Variants in DPP6 observed in about 807,000 individuals in gnomAD.
DPP6 encodes the protein A-type potassium channel modulatory protein DPP6.
DPP6 carries 69 observed loss-of-function variants against 122.6 expected under a neutral mutation model. The ratio of observed to expected loss-of-function variants is 0.56; its 90% CI spans 0.46 to 0.69. The LOEUF is 0.69. DPP6 is among the 30% of genes least tolerant of loss of function. The pLI, the probability that DPP6 is intolerant of heterozygous loss-of-function variation, is 0.00. For synonymous variants in DPP6, 418 were observed against 433.1 expected (o/e 0.97, Z 0.43); for missense variants, 928 against 1,116.9 (o/e 0.83, Z 2.41).
At chr7:154,418,327 T>C (rs368137296) in intron 1 of DPP6, among the ~76,000 whole-genome samples, 1 of 152,254 alleles carries the variant, frequency 6.6e-6, no homozygotes, top group South Asian at 2.1e-4. Flanking sequence ...TCTTACAAGA[T>C]TGTAAATTTT....
Position 154,879,467 on chromosome 7 carries a change from G to A in DPP6, c.2079-1421G>A, listed in dbSNP as rs1335639372. Among the ~76,000 whole-genome samples the A allele has an allele frequency of 5.9e-5, 8 of 134,498 alleles. 1 individual carries two copies. The highest frequency in any genetic ancestry group is 9.1e-5 in the Non-Finnish European group (6 of 65,580). 88.2% of individuals were successfully genotyped at this position (134,498 alleles called of 152,430 possible). ...TAGCCGGGCGAGGTGGCGGGCACCT[G>A]TAGTCCCAGCTACTCGGGAGGCTGA... is the stretch of plus-strand genomic sequence containing the variant. On this transcript the variant is annotated intron_variant, in intron 20 of 25. Coordinates refer to ENST00000377770, the MANE Select transcript of DPP6 (RefSeq NM_130797.4).
chr7:154,098,108 G>A (rs1563197785), intron 1 of DPP6, among the ~76,000 whole-genome samples: 1 of 152,128 alleles, frequency 6.6e-6, no homozygotes, highest in Non-Finnish European at 1.5e-5. Context: ...TAATCCTGTT[G>A]GATTATGTTG....
At chr7:153,764,976 C>T in the DPP6 span, among the ~76,000 whole-genome samples, 1 of 152,164 alleles carries the variant, frequency 6.6e-6, no homozygotes, top group Admixed American at 6.5e-5. Flanking sequence ...CGCCGAATGG[C>T]TCTGTGACAC....
intron 1 of DPP6, among the ~76,000 whole-genome samples, chr7:154,361,760 C>T (rs1811745401): frequency 6.6e-6 from 1 of 152,218 alleles, no homozygotes; most frequent in African/African-American, 2.4e-5. Context: ...CGGGCATACA[C>T]TTACACTTAT....
At chr7:154,667,147 T>C (rs11980320) in intron 6 of DPP6, among the ~76,000 whole-genome samples, 3,668 of 152,272 alleles carry the variant, frequency 0.024, 144 homozygotes, top group African/African-American at 0.083. Flanking sequence ...GAATTGTCTG[T>C]TCATGTCTTT....
intron 1 of DPP6, among the ~76,000 whole-genome samples, chr7:154,210,750 C>T (rs955164963): frequency 2.6e-5 from 4 of 151,390 alleles, no homozygotes; most frequent in Admixed American, 6.6e-5. Flanking sequence ...CCAGGGAGGC[C>T]GGGCTGGAGA....
At chr7:153,824,822 C>G in the DPP6 span, among the ~76,000 whole-genome samples, 32 of 152,112 alleles carry the variant, frequency 2.1e-4, no homozygotes, top group Non-Finnish European at 5.9e-5. Context: ...TTTGGCAATA[C>G]GATTCCTCAA....
rs912207205 is a variant in DPP6 at position 154,709,052 on chromosome 7, A to AT, written c.763-18715_763-18714insT. Reference sequence around the variant, plus strand: ...GACAGAGCAAGACTCTGTCTCAAAAAATAAATAAAAATAAAATAACGTTGA... The same window carrying AT: ...GACAGAGCAAGACTCTGTCTCAAAAATATAAATAAAAATAAAATAACGTTGA... On this transcript the variant is annotated intron_variant, in intron 7 of 25. Transcript: ENST00000377770. Among the ~76,000 whole-genome samples, 382 of 152,312 alleles carry AT rather than the reference A, an allele frequency of 2.5e-3. 6 individuals are homozygous for AT. Among genetic ancestry groups the AT allele is most frequent in the Non-Finnish European group, 9.6e-4 (65 of 68,012 alleles).
chr7:154,256,998 CTTTTTTT>C (rs66710949), intron 1 of DPP6, among the ~76,000 whole-genome samples: 1 of 132,858 alleles, frequency 7.5e-6, no homozygotes, highest in Non-Finnish European at 1.6e-5. Context: ...TCTTCTTCTT[CTTTTTTT>C]TTTTTTTTGG....
intron 3 of DPP6, among the ~76,000 whole-genome samples, chr7:154,538,199 T>C (rs557716812): frequency 6.6e-6 from 1 of 152,338 alleles, no homozygotes; most frequent in Non-Finnish European, 1.5e-5. Context: ...GCAGGTTTTA[T>C]GTACCTCAAA....
At chr7:154,555,184 A>G (rs1251915266) in intron 4 of DPP6, among the ~76,000 whole-genome samples, 2 of 152,214 alleles carry the variant, frequency 1.3e-5, no homozygotes, top group Non-Finnish European at 2.9e-5. Context: ...AGAACTAGAA[A>G]ATAGAAGAAA....
intron 1 of DPP6, among the ~76,000 whole-genome samples, chr7:154,431,324 T>A (rs965673849): frequency 6.6e-6 from 1 of 152,044 alleles, no homozygotes; most frequent in Non-Finnish European, 1.5e-5. Flanking sequence ...CCCCAGGGCC[T>A]GCTCCACACC....
chr7:154,602,911 A>G (rs1390235110), intron 5 of DPP6, among the ~76,000 whole-genome samples: 1 of 119,412 alleles, frequency 8.4e-6, no homozygotes, highest in Non-Finnish European at 1.9e-5. Flanking sequence ...AATTTATTTA[A>G]CATTGTAATG....
At chr7:154,362,442 T>A (rs1811811418) in intron 1 of DPP6, among the ~76,000 whole-genome samples, 1 of 152,056 alleles carries the variant, frequency 6.6e-6, no homozygotes. Flanking sequence ...TGAGACGGAG[T>A]TTCACCCTGT....
intron 1 of DPP6, among the ~76,000 whole-genome samples, chr7:153,919,642 G>A (rs886616883): frequency 1.3e-5 from 2 of 152,180 alleles, no homozygotes; most frequent in Non-Finnish European, 2.9e-5. Flanking sequence ...GCAGAGGCCA[G>A]GAGTCAGGGG....
chr7:154,066,071 T>A (rs1223360834), intron 1 of DPP6, among the ~76,000 whole-genome samples: 3 of 151,408 alleles, frequency 2.0e-5, no homozygotes, highest in African/African-American at 7.3e-5. Flanking sequence ...TTTTTTTTTT[T>A]TAATTTGGGA....
chr7:154,068,164 G>A (rs1563165718), intron 1 of DPP6, among the ~76,000 whole-genome samples: 1 of 152,076 alleles, frequency 6.6e-6, no homozygotes, highest in Non-Finnish European at 1.5e-5. Flanking sequence ...TGTCCTTAGG[G>A]GTGTCAACAT....
intron 1 of DPP6, among the ~76,000 whole-genome samples, chr7:154,334,594 C>G (rs887989058): frequency 8.5e-5 from 13 of 152,066 alleles, no homozygotes; most frequent in Non-Finnish European, 1.9e-4. Flanking sequence ...TAACATTATC[C>G]AGAATTTAAA....
At chr7:154,532,196 G>T (rs992528643) in intron 3 of DPP6, among the ~76,000 whole-genome samples, 5 of 152,016 alleles carry the variant, frequency 3.3e-5, no homozygotes, top group South Asian at 2.1e-4. Context: ...CAATAAGATG[G>T]TCAGATAAAC....
Sources: gnomAD v4.1 joint callset for allele counts (sites outside exome capture counted in the v4.1 genomes callset) on GRCh38, gnomAD v4.1.1 for gene constraint, MANE v1.5 for transcripts, NCBI Gene and HGNC (gene_info 2026-07-23, HGNC 2026-07-21) for gene names.